Variants in MSH3 observed in about 807,000 individuals in gnomAD.
The protein encoded by MSH3 is DNA mismatch repair protein Msh3.
MSH3 carries 106 observed loss-of-function variants against 123.3 expected under a neutral mutation model. The observed-to-expected ratio is 0.86, with a 90% CI of 0.73 to 1.01. The LOEUF is 1.01. Among genes scored for constraint, MSH3 ranks in the 50% least tolerant of loss-of-function variants. The probability of loss-of-function intolerance (pLI) is 0.00; values close to 1 mark genes in which losing one functional copy is unlikely to be tolerated. For missense variants in MSH3, 1,459 were observed against 1,347.6 expected (o/e 1.08, Z -1.29); for synonymous variants, 515 against 481.4 (o/e 1.07, Z -0.91).
chr5:80,734,484 CACTT>C (rs1269577901), intron 10 of MSH3, among the ~76,000 whole-genome samples: 1 of 152,202 alleles, frequency 6.6e-6, no homozygotes, highest in Non-Finnish European at 1.5e-5. Context: ...GACACATACA[CACTT>C]ATCTTTTAAA....
Position 80,813,566 on chromosome 5 carries a change from T to C in MSH3, c.2656-18T>C. The C allele has an allele frequency of 6.2e-7, 1 of 1,613,962 alleles. No individual in the cohort carries two copies. Among genetic ancestry groups the C allele is most frequent in the Non-Finnish European group, 8.5e-7 (1 of 1,179,868 alleles). On this transcript the variant is annotated intron_variant, in intron 19 of 23. Transcript: ENST00000265081. ...AACTTTTCTGGTACAATAAGTGAAATTCCTTTCTAATTTTCAGGAGGACTC... is the reference window on the plus strand; with the variant it reads ...AACTTTTCTGGTACAATAAGTGAAACTCCTTTCTAATTTTCAGGAGGACTC...
intron 2 of MSH3, among the ~76,000 whole-genome samples, chr5:80,660,804 T>C (rs571638400): frequency 1.6e-4 from 25 of 152,128 alleles, no homozygotes; most frequent in Non-Finnish European, 3.2e-4. Context: ...CCTTGTCTCT[T>C]TCCCCCACAC....
chr5:80,863,487 G>A (rs1390261127), intron 21 of MSH3, among the ~76,000 whole-genome samples: 1 of 151,966 alleles, frequency 6.6e-6, no homozygotes, highest in Non-Finnish European at 1.5e-5. Flanking sequence ...TGGCTAACAC[G>A]GTGAAACCCC....
At chr5:80,693,513 A>ATGCACATGTATATGTTTATATAAAT (rs1229924960) in intron 8 of MSH3, among the ~76,000 whole-genome samples, 2 of 150,198 alleles carry the variant, frequency 1.3e-5, no homozygotes, top group Admixed American at 1.3e-4. Flanking sequence ...TTATATAAAT[A>ATGCACATGTATATGTTTATATAAAT]TGCACATGTA....
At chr5:80,841,681 C>G (rs1413472783) in intron 20 of MSH3, among the ~76,000 whole-genome samples, 1 of 152,200 alleles carries the variant, frequency 6.6e-6, no homozygotes, top group Non-Finnish European at 1.5e-5. Flanking sequence ...TTTCATATGT[C>G]TGTTGGCTGC....
intron 17 of MSH3, among the ~76,000 whole-genome samples, chr5:80,781,467 G>C (rs1744407873): frequency 6.7e-6 from 1 of 148,890 alleles, no homozygotes; most frequent in Non-Finnish European, 1.5e-5. Context: ...CCCTTTATCT[G>C]TTACCAAGTT....
chr5:80,755,160 G>A (rs577755461), intron 12 of MSH3, among the ~76,000 whole-genome samples: 7 of 152,198 alleles, frequency 4.6e-5, no homozygotes, highest in African/African-American at 1.4e-4. Context: ...TTCCTCTGCC[G>A]GTTTGAATGA....
At chr5:80,659,534 C>G (rs1482144120) in intron 2 of MSH3, among the ~76,000 whole-genome samples, 1 of 140,976 alleles carries the variant, frequency 7.1e-6, no homozygotes, top group East Asian at 1.9e-4. Flanking sequence ...CTTGCAGTTA[C>G]TGTAATGTTT....
At chr5:80,711,422 G>A (rs1750855078) in intron 8 of MSH3, among the ~76,000 whole-genome samples, 1 of 152,136 alleles carries the variant, frequency 6.6e-6, no homozygotes, top group African/African-American at 2.4e-5. Flanking sequence ...GTAAGGAGGG[G>A]TTTTTTGGGC....
intron 8 of MSH3, among the ~76,000 whole-genome samples, chr5:80,679,614 T>G (rs1020512424): frequency 6.6e-6 from 1 of 152,236 alleles, no homozygotes; most frequent in Non-Finnish European, 1.5e-5. Flanking sequence ...CTGTGTCCAG[T>G]GGTTTTGTTT....
chr5:80,825,165 A>G (rs970721275), intron 20 of MSH3, among the ~76,000 whole-genome samples: 16 of 152,316 alleles, frequency 1.1e-4, no homozygotes, highest in African/African-American at 3.8e-4. Flanking sequence ...AAAGAAATAA[A>G]ACACTACAAT....
At chr5:80,673,409 G>C (rs954655439) in intron 6 of MSH3, among the ~76,000 whole-genome samples, 3 of 152,114 alleles carry the variant, frequency 2.0e-5, no homozygotes, top group Non-Finnish European at 4.4e-5. Context: ...CTTGCCCGTA[G>C]TCCCAGCTAC....
rs1256407894 is a variant in MSH3, at chr5:80,821,951, G to A, written c.2813+8210G>A. On this transcript the variant is annotated intron_variant, in intron 20 of 23. Transcript: ENST00000265081. ...ACCCAGTGGCCTTGTGTCTTCTGCCGTTATCTGTGAAACCAGTGGTATTAG... is the reference window on the plus strand; with the variant it reads ...ACCCAGTGGCCTTGTGTCTTCTGCCATTATCTGTGAAACCAGTGGTATTAG... Among the ~76,000 whole-genome samples, 5 of 152,308 alleles carry A rather than the reference G, an allele frequency of 3.3e-5. No homozygotes were observed. In the East Asian group the frequency reaches 7.7e-4, roughly 23 times the overall value.
At position 80,669,065 on chromosome 5, in the gene MSH3, G is replaced by A. The variant is rs537354216; in HGVS notation, c.580-1032G>A. The stretch of plus-strand genomic sequence containing the variant: ...CTTGCCAACCTCTCCATGCCTCACC[G>A]TCTTCTTATTGCTGATCTTTGGAGG... On this transcript the variant is annotated intron_variant, in intron 3 of 23. Transcript: ENST00000265081. 1.9e-4 allele frequency among the ~76,000 whole-genome samples: 29 copies of A among 152,296 alleles called. 1 individual carries two copies. Among genetic ancestry groups the A allele is most frequent in the Admixed American group, 5.2e-4 (8 of 15,294 alleles).
intron 21 of MSH3, among the ~76,000 whole-genome samples, chr5:80,857,480 A>G (rs1412729360): frequency 6.6e-6 from 1 of 152,222 alleles, no homozygotes; most frequent in Non-Finnish European, 1.5e-5. Context: ...ATCTTCCTTA[A>G]ACATTTGGTG....
chr5:80,710,884 C>T (rs1750843762), intron 8 of MSH3, among the ~76,000 whole-genome samples: 1 of 152,194 alleles, frequency 6.6e-6, no homozygotes, highest in African/African-American at 2.4e-5. Context: ...CTGCCATTCC[C>T]TCCCCCTTCG....
At chr5:80,807,898 A>G (rs1235222086) in intron 19 of MSH3, among the ~76,000 whole-genome samples, 1 of 152,206 alleles carries the variant, frequency 6.6e-6, no homozygotes, top group Non-Finnish European at 1.5e-5. Context: ...GAGAAAATCC[A>G]CACAGGCATA....
chr5:80,801,560 G>A (rs1013041564), intron 19 of MSH3, among the ~76,000 whole-genome samples: 10 of 152,166 alleles, frequency 6.6e-5, no homozygotes, highest in Non-Finnish European at 1.2e-4. Flanking sequence ...AAATCCTGGG[G>A]CAGGGGTGGT....
intron 22 of MSH3, among the ~76,000 whole-genome samples, chr5:80,868,211 G>A (rs1746137870): frequency 6.6e-6 from 1 of 152,072 alleles, no homozygotes. Flanking sequence ...GCAGTGTGGT[G>A]ATTCCTCAAA....
Sources: allele counts gnomAD v4.1 joint callset (sites outside exome capture counted in the v4.1 genomes callset), GRCh38; gene constraint gnomAD v4.1.1; transcripts MANE v1.5; gene names NCBI Gene and HGNC (gene_info 2026-07-23, HGNC 2026-07-21).